The following PAPSS1 variants were observed in gnomAD, a reference collection of about 807,000 sequenced individuals.
The protein encoded by PAPSS1 is 3'-phosphoadenosine 5'-phosphosulfate synthase 1.
Under a neutral mutation model 72.0 loss-of-function variants are expected in PAPSS1, and 50 were observed. The observed-to-expected ratio is 0.69, with a 90% CI of 0.55 to 0.88. The LOEUF is 0.88. Among genes scored for constraint, PAPSS1 ranks in the 40% least tolerant of loss-of-function variants. The probability of loss-of-function intolerance (pLI) is 0.00; values close to 1 mark genes in which losing one functional copy is unlikely to be tolerated. For missense variants in PAPSS1, 657 were observed against 782.2 expected (o/e 0.84, Z 1.91); for synonymous variants, 261 against 263.6 (o/e 0.99, Z 0.09).
intron 4 of PAPSS1, among the ~76,000 whole-genome samples, chr4:107,686,110 G>A (rs1722779923): frequency 6.6e-6 from 1 of 152,184 alleles, no homozygotes; most frequent in Non-Finnish European, 1.5e-5. Flanking sequence ...TCAAAGGCCA[G>A]AGCAGAGTTG....
At chr4:107,692,778 G>GTGTATATATA (rs531707529) in intron 3 of PAPSS1, among the ~76,000 whole-genome samples, 62 of 147,078 alleles carry the variant, frequency 4.2e-4, no homozygotes, top group African/African-American at 1.4e-3. Flanking sequence ...AACACGGTGT[G>GTGTATATATA]TATATATATA....
chr4:107,673,861 C>T lies in PAPSS1; in HGVS notation c.669+8154G>A, dbSNP rs973764318. ...AACAGCTGATCTCTCAGCAGAAGCT[C>T]TATAAGCCAGAAGAGAGTGGGGGCC... On this transcript the variant is annotated intron_variant, in intron 5 of 11. Transcript: ENST00000265174. Among the ~76,000 whole-genome samples, 92 of 152,334 alleles carry T rather than the reference C, an allele frequency of 6.0e-4. 1 individual carries two copies. Among genetic ancestry groups the T allele is most frequent in the African/African-American group, 2.2e-3 (92 of 41,590 alleles).
intron 2 of PAPSS1, among the ~76,000 whole-genome samples, chr4:107,696,932 G>A (rs1403229240): frequency 1.3e-5 from 2 of 152,124 alleles, no homozygotes; most frequent in African/African-American, 4.8e-5. Flanking sequence ...CTAATTCCCT[G>A]CCCTAAAATG....
intron 1 of PAPSS1, among the ~76,000 whole-genome samples, chr4:107,703,024 A>G (rs986413036): frequency 3.3e-5 from 5 of 152,164 alleles, no homozygotes; most frequent in African/African-American, 1.2e-4. Flanking sequence ...TGTCTTTTTT[A>G]TAACAGCCAT....
chr4:107,699,458 A>T (rs1027880814), intron 2 of PAPSS1, among the ~76,000 whole-genome samples: 1 of 152,200 alleles, frequency 6.6e-6, no homozygotes, highest in African/African-American at 2.4e-5. Flanking sequence ...TGGAGACCTG[A>T]TATAAAACAA....
chr4:107,623,792 C>T (rs1448517334), intron 11 of PAPSS1, among the ~76,000 whole-genome samples: 6 of 152,170 alleles, frequency 3.9e-5, no homozygotes, highest in Non-Finnish European at 7.3e-5. Context: ...GTTAGTTTTA[C>T]CAGGGCAAAA....
At chr4:107,686,221 G>C (rs1426068680) in intron 4 of PAPSS1, among the ~76,000 whole-genome samples, 1 of 152,126 alleles carries the variant, frequency 6.6e-6, no homozygotes, top group Admixed American at 6.6e-5. Flanking sequence ...CTGTCCCTTG[G>C]TAATCATGCG....
At chr4:107,718,357 A>G (rs1171787524) in intron 1 of PAPSS1, 1 of 152,142 alleles carries the variant, frequency 6.6e-6, no homozygotes, top group Admixed American at 6.5e-5. Context: ...CTTCCCAACA[A>G]AAACTCTCCA....
intron 9 of PAPSS1, among the ~76,000 whole-genome samples, chr4:107,650,532 A>G (rs1165196631): frequency 6.6e-6 from 1 of 152,198 alleles, no homozygotes; most frequent in African/African-American, 2.4e-5. Flanking sequence ...TATGAATTCA[A>G]ATTTTGGCAA....
chr4:107,655,932 T>C (rs959921588), intron 7 of PAPSS1, among the ~76,000 whole-genome samples: 5 of 152,340 alleles, frequency 3.3e-5, no homozygotes, highest in African/African-American at 9.6e-5. Flanking sequence ...TTTTCTAATA[T>C]CTATTTCACC....
chr4:107,669,654 G>A (rs969030675), intron 5 of PAPSS1, among the ~76,000 whole-genome samples: 11 of 152,184 alleles, frequency 7.2e-5, no homozygotes, highest in Non-Finnish European at 5.9e-5. Flanking sequence ...CTTTCATTGG[G>A]AAGTGAAGTC....
chr4:107,680,664 A>G (rs35244768), intron 5 of PAPSS1, among the ~76,000 whole-genome samples: 42 of 152,318 alleles, frequency 2.8e-4, no homozygotes, highest in Non-Finnish European at 3.4e-4. Flanking sequence ...GCCTAGGACT[A>G]TAACTACAGT....
intron 10 of PAPSS1, 151 bp downstream of exon 10, chr4:107,644,651 A>AT: frequency 1.4e-6 from 1 of 697,400 alleles, no homozygotes. Flanking sequence ...CATCCAGGGA[A>AT]TATCCCTAAC....
At chr4:107,685,043 C>T (rs746115449) in intron 4 of PAPSS1, among the ~76,000 whole-genome samples, 6 of 152,170 alleles carry the variant, frequency 3.9e-5, no homozygotes, top group Non-Finnish European at 7.4e-5. Context: ...GTAGCTGGGA[C>T]TACAGGCGCC....
chr4:107,644,495 C>A (rs1726640446), intron 10 of PAPSS1, among the ~76,000 whole-genome samples: 1 of 152,164 alleles, frequency 6.6e-6, no homozygotes, highest in South Asian at 2.1e-4. Context: ...ATGTGGCCAG[C>A]AGTTACAAGA....
chr4:107,690,513 G>GT (rs1006703626), intron 3 of PAPSS1, among the ~76,000 whole-genome samples: 5 of 152,100 alleles, frequency 3.3e-5, no homozygotes, highest in Non-Finnish European at 7.3e-5. Context: ...TCAAGATATT[G>GT]TAACTCTTCA....
chr4:107,695,871 A>C (rs1183641535), intron 2 of PAPSS1, among the ~76,000 whole-genome samples: 2 of 152,190 alleles, frequency 1.3e-5, no homozygotes, highest in Admixed American at 1.3e-4. Flanking sequence ...CAAGGAACTT[A>C]ATACAGAAGA....
At chr4:107,650,995 C>T (rs4956020) in intron 9 of PAPSS1, among the ~76,000 whole-genome samples, 28,268 of 152,038 alleles carry the variant, frequency 0.19, 2,998 homozygotes, top group East Asian at 0.37. Flanking sequence ...AGTGGGGCAT[C>T]ATTATTAACT....
At chr4:107,622,585 G>A (rs1022465980) in intron 11 of PAPSS1, among the ~76,000 whole-genome samples, 19 of 152,192 alleles carry the variant, frequency 1.2e-4, no homozygotes, top group Non-Finnish European at 2.8e-4. Flanking sequence ...TTGCATTACT[G>A]ATTAAAGAAA....
Sources: gnomAD v4.1 joint callset for allele counts (sites outside exome capture counted in the v4.1 genomes callset) on GRCh38, gnomAD v4.1.1 for gene constraint, MANE v1.5 for transcripts, NCBI Gene and HGNC (gene_info 2026-07-23, HGNC 2026-07-21) for gene names.